Variants in PRKDC observed in about 807,000 individuals in gnomAD.
PRKDC encodes the protein DNA-dependent protein kinase catalytic subunit.
A neutral mutation model predicts 486.9 loss-of-function variants in PRKDC; 82 were observed. The ratio of observed to expected loss-of-function variants is 0.17; its 90% CI spans 0.14 to 0.20. PRKDC has a LOEUF of 0.20. Among genes scored for constraint, PRKDC ranks in the 10% least tolerant of loss-of-function variants. PRKDC has a pLI of 1.00. For missense variants in PRKDC, 4,504 were observed against 5,038.2 expected (o/e 0.89, Z 3.21); for synonymous variants, 1,895 against 1,837.0 (o/e 1.03, Z -0.81).
chr8:47,823,342 C>G (rs897641632), intron 64 of PRKDC, among the ~76,000 whole-genome samples: 1 of 151,658 alleles, frequency 6.6e-6, no homozygotes, highest in Non-Finnish European at 1.5e-5. Flanking sequence ...GTATATGGCA[C>G]CCCCTCCCCA....
At chr8:47,852,162 T>C (rs952016892) in intron 52 of PRKDC, among the ~76,000 whole-genome samples, 8 of 152,120 alleles carry the variant, frequency 5.3e-5, no homozygotes, top group Admixed American at 5.2e-4. Context: ...CTTCATTCAG[T>C]CCTCTTATCT....
chr8:47,817,250 T>C lies in PRKDC; in HGVS notation c.9557+200A>G, dbSNP rs8178212. On this transcript the variant is annotated intron_variant, in intron 68 of 85. Transcript: ENST00000314191. ...CCACCAGCACCTCCCGACAGCAGCG[T>C]CCCCACAGGGCAAGCGGGAAAGAGG... Among the ~76,000 whole-genome samples the C allele has an allele frequency of 4.9e-3, 742 of 152,126 alleles. 8 individuals are homozygous for C. The highest frequency in any genetic ancestry group is 0.017 in the African/African-American group (704 of 41,494).
rs771683666 is a variant in PRKDC at position 47,873,780 on chromosome 8, CACTT to C, written c.5363+3940_5363+3943del. Among the ~76,000 whole-genome samples, 5 of 152,058 alleles carry C rather than the reference CACTT, an allele frequency of 3.3e-5. No homozygotes were observed. The East Asian group carries it at 7.7e-4, about 23-fold the overall frequency. ...CAGAAAGACAATCTTTGCGCGTTCT[CACTT>C]ACTTGTGGCATCCAAAAATCATTAA... On this transcript the variant is annotated intron_variant, in intron 40 of 85. Coordinates refer to ENST00000314191, the MANE Select transcript of PRKDC (RefSeq NM_006904.7).
chr8:47,939,774 C>G (rs1009197964), intron 10 of PRKDC, 77 bp from the exon 11 acceptor site: 1 of 1,216,774 alleles, frequency 8.2e-7, no homozygotes, highest in Non-Finnish European at 1.1e-6. Context: ...AAAACTAGAA[C>G]TGTTTAGATG....
chr8:47,912,107 T>A (rs2089914730), intron 25 of PRKDC, among the ~76,000 whole-genome samples: 4 of 152,146 alleles, frequency 2.6e-5, no homozygotes. Context: ...TGTGAAAGAC[T>A]ACGTTTGTCC....
At chr8:47,956,535 A>G (rs926397914) in intron 3 of PRKDC, among the ~76,000 whole-genome samples, 38 of 151,426 alleles carry the variant, frequency 2.5e-4, no homozygotes, top group Admixed American at 6.6e-5. Context: ...TCTCTACAAA[A>G]AAAAAAAAAA....
chr8:47,912,425 C>A lies in PRKDC; in HGVS notation c.2919G>T (p.Ala973=), dbSNP rs372912665. Residue 973 remains alanine, a synonymous_variant, in exon 25 of 86, where the codon GCG becomes GCT. Coordinates refer to ENST00000314191, the MANE Select transcript of PRKDC (RefSeq NM_006904.7). ...AAGCCCTTACCTGATCAACATCACA[C>A]GCAAGTCGAAGCAGCACAGGAAACG... ...KRTFPVLLRL[A]CDVDQVTRQL... 5 of 1,590,724 alleles carry A rather than the reference C, an allele frequency of 3.1e-6. No homozygotes were observed. The highest frequency in any genetic ancestry group is 2.7e-5 in the African/African-American group (2 of 73,796).
chr8:47,912,599 T>C (rs1258137608), intron 24 of PRKDC, 37 bp from the exon 25 acceptor site: 6 of 1,531,554 alleles, frequency 3.9e-6, no homozygotes, highest in African/African-American at 1.4e-5. Context: ...GTTTAAGTTA[T>C]CACGTTGATG....
chr8:47,818,805 C>T (rs2087513487), intron 67 of PRKDC, among the ~76,000 whole-genome samples: 1 of 152,050 alleles, frequency 6.6e-6, no homozygotes, highest in Non-Finnish European at 1.5e-5. Flanking sequence ...TTATTTAGGA[C>T]AAAAATGAAA....
At chr8:47,834,497 C>T in intron 58 of PRKDC, 101 bp from the exon 59 acceptor site, 4 of 1,234,946 alleles carry the variant, frequency 3.2e-6, no homozygotes, top group Admixed American at 2.1e-5. Flanking sequence ...CCCTAGGCCT[C>T]CGTGCTCAAC....
At chr8:47,792,031 C>T (rs941116293) in intron 74 of PRKDC, among the ~76,000 whole-genome samples, 3 of 152,044 alleles carry the variant, frequency 2.0e-5, no homozygotes, top group African/African-American at 7.2e-5. Context: ...GAATGAGATC[C>T]TGTCACTTGA....
chr8:47,943,141 G>A (rs909058260), intron 10 of PRKDC, 68 bp downstream of exon 10: 11 of 1,502,162 alleles, frequency 7.3e-6, no homozygotes, highest in Admixed American at 2.0e-5. Context: ...AAACATGCAT[G>A]CATGCAAAGG....
At chr8:47,828,380 A>T in intron 61 of PRKDC, 33 bp from the exon 62 acceptor site, 2 of 1,514,504 alleles carry the variant, frequency 1.3e-6, no homozygotes, top group Non-Finnish European at 1.8e-6. Flanking sequence ...ACAAATTAGG[A>T]TCTGAAGCAA....
intron 64 of PRKDC, among the ~76,000 whole-genome samples, chr8:47,822,717 A>C (rs2087631331): frequency 6.6e-6 from 1 of 151,842 alleles, no homozygotes; most frequent in Non-Finnish European, 1.5e-5. Context: ...GTGAACCCGG[A>C]AGGCAGAGCT....
At chr8:47,946,903 T>A (rs982693695) in intron 7 of PRKDC, among the ~76,000 whole-genome samples, 11 of 151,994 alleles carry the variant, frequency 7.2e-5, no homozygotes, top group Admixed American at 5.9e-4. Context: ...CTAACTCACA[T>A]CCCACACCCA....
intron 54 of PRKDC, among the ~76,000 whole-genome samples, chr8:47,842,375 TA>T (rs956613346): frequency 1.3e-5 from 2 of 151,798 alleles, no homozygotes; most frequent in Non-Finnish European, 2.9e-5. Context: ...ATTATATCAC[TA>T]AAAAAAATTC....
rs534829694 is a variant in PRKDC at position 47,913,764 on chromosome 8, T to A, written c.2781+137A>T. ...ACACTGACTTCTAATAAGTAAGTAG[T>A]TTTCTAATTACTATATTACAGAAAA... On this transcript the variant is annotated intron_variant, in intron 24 of 85. Coordinates refer to ENST00000314191, the MANE Select transcript of PRKDC (RefSeq NM_006904.7). 114 of 844,854 alleles carry A rather than the reference T, an allele frequency of 1.3e-4. No homozygotes were observed. In the East Asian group the frequency reaches 2.6e-3, roughly 19 times the overall value. The allele number at this position is 844,854 out of a possible 1,614,324, so 52.3% of individuals were successfully genotyped here. A position where few individuals can be genotyped will look rare whatever the true frequency, so the allele number is the denominator to read the frequency against.
rs564283387 is a variant in PRKDC at position 47,960,085 on chromosome 8, C to T, written c.42G>A (p.Arg14=). 3.5e-4 allele frequency: 536 copies of T among 1,529,830 alleles called. No homozygotes were observed. The highest frequency in any genetic ancestry group is 2.7e-3 in the Middle Eastern group (12 of 4,420). 94.8% of individuals were successfully genotyped at this position (1,529,830 alleles called of 1,614,324 possible). The change falls in exon 1 of 86, where the codon CGG becomes CGA. Residue 14 remains arginine, a synonymous_variant. Transcript: ENST00000314191. The part of the protein sequence containing the change: ...SGAGVRCSLL[R]LQETLSAADR... ...CCGCAGCGGACAAGGTCTCCTGCAG[C>T]CGCAGCAGGGAGCAACGCACACCGG... is the stretch of plus-strand genomic sequence containing the variant.
intron 4 of PRKDC, among the ~76,000 whole-genome samples, chr8:47,955,109 G>A (rs914628547): frequency 6.6e-6 from 1 of 150,820 alleles, no homozygotes; most frequent in African/African-American, 2.4e-5. Context: ...AGCCGAGATT[G>A]CGCCACTGCA....
Sources: allele counts gnomAD v4.1 joint callset (sites outside exome capture counted in the v4.1 genomes callset), GRCh38; gene constraint gnomAD v4.1.1; transcripts MANE v1.5; gene names NCBI Gene and HGNC (gene_info 2026-07-23, HGNC 2026-07-21).